ECT2: variants seen among roughly 807,000 people sequenced by gnomAD.
ECT2 encodes protein ECT2.
ECT2 carries 61 observed loss-of-function variants against 116.9 expected under a neutral mutation model. The observed-to-expected ratio is 0.52, with a 90% CI of 0.42 to 0.65. The LOEUF (loss-of-function observed/expected upper bound fraction) is 0.65, where lower values mean the gene tolerates loss of function less well. ECT2 is among the 30% of genes least tolerant of loss of function. The pLI is 0.00. For synonymous variants in ECT2, 358 were observed against 346.4 expected, an observed-to-expected ratio of 1.03 and a Z score of -0.37; for missense variants, 937 against 1,078.7, an observed-to-expected ratio of 0.87 and a Z score of 1.84.
intron 22 of ECT2, among the ~76,000 whole-genome samples, chr3:172,811,641 A>G (rs1026598470): frequency 1.3e-5 from 2 of 152,184 alleles, no homozygotes; most frequent in Non-Finnish European, 1.5e-5. Context: ...CTTTATTAGC[A>G]TTTGCTAAGG....
intron 18 of ECT2, among the ~76,000 whole-genome samples, chr3:172,789,671 A>G (rs1457747021): frequency 1.3e-5 from 2 of 152,180 alleles, no homozygotes; most frequent in East Asian, 3.8e-4. Flanking sequence ...TTATCAACTA[A>G]GTGTCTGTAG....
At chr3:172,761,749 T>C in intron 8 of ECT2, 66 bp downstream of exon 8, 1 of 1,187,934 alleles carries the variant, frequency 8.4e-7, no homozygotes, top group South Asian at 1.5e-5. Flanking sequence ...GATAAATCCA[T>C]GTGCTGAAAA....
chr3:172,813,399 G>T (rs1415496591), intron 22 of ECT2, among the ~76,000 whole-genome samples: 2 of 152,064 alleles, frequency 1.3e-5, no homozygotes, highest in African/African-American at 4.8e-5. Flanking sequence ...AGGCAGGATA[G>T]ATTCTTTCCT....
Position 172,754,633 on chromosome 3 carries a change from C to T in ECT2, c.103C>T (p.Leu35Phe), listed in dbSNP as rs373132353. ...TACTGAGATTTCCAAGGAAAACTTA[C>T]TTATTGGATCTACTTCATATGTAGA... is the stretch of plus-strand genomic sequence containing the variant. ...KVTEISKENL[L>F]IGSTSYVEEE... is the part of the protein sequence containing the mutation. Residue 35 changes from leucine to phenylalanine, a missense_variant, in exon 2 of 25, where the codon CTT becomes TTT. Transcript: ENST00000392692. The T allele has an allele frequency of 1.4e-4, 229 of 1,610,264 alleles. No homozygotes were observed. Among genetic ancestry groups the T allele is most frequent in the South Asian group, 4.0e-4 (36 of 90,756 alleles).
chr3:172,810,331 T>C (rs957695957), intron 22 of ECT2, among the ~76,000 whole-genome samples: 15 of 152,180 alleles, frequency 9.9e-5, no homozygotes, highest in African/African-American at 3.6e-4. Context: ...GTTAAATAAA[T>C]CACCATTGGC....
intron 20 of ECT2, among the ~76,000 whole-genome samples, chr3:172,804,616 A>G (rs764751534): frequency 2.0e-5 from 3 of 152,156 alleles, no homozygotes; most frequent in Non-Finnish European, 4.4e-5. Flanking sequence ...TAAAGCTTTT[A>G]TAGGTTTTTC....
At chr3:172,827,095 A>G in the ECT2 span, among the ~76,000 whole-genome samples, 1 of 152,170 alleles carries the variant, frequency 6.6e-6, no homozygotes, top group Non-Finnish European at 1.5e-5. Flanking sequence ...ACATCATCTC[A>G]CCCCAGTAAA....
At chr3:172,825,189 G>A (rs1422561386), downstream of ECT2, among the ~76,000 whole-genome samples, 3 of 151,982 alleles carry the variant, frequency 2.0e-5, no homozygotes, top group Non-Finnish European at 4.4e-5. Flanking sequence ...TTGTTCTGGG[G>A]CACCACAAAC....
intron 24 of ECT2, among the ~76,000 whole-genome samples, chr3:172,818,032 G>C (rs921062462): frequency 6.6e-6 from 1 of 152,100 alleles, no homozygotes; most frequent in Non-Finnish European, 1.5e-5. Flanking sequence ...AAAGTGCTTA[G>C]AACAGTACCT....
intron 12 of ECT2, among the ~76,000 whole-genome samples, chr3:172,768,537 C>G (rs1444358509): frequency 6.6e-6 from 1 of 152,176 alleles, no homozygotes; most frequent in African/African-American, 2.4e-5. Context: ...AACTACATTA[C>G]TTACTACATT....
At chr3:172,814,108 T>C (rs996625804) in intron 22 of ECT2, among the ~76,000 whole-genome samples, 5 of 152,002 alleles carry the variant, frequency 3.3e-5, no homozygotes, top group Admixed American at 2.6e-4. Flanking sequence ...ATTTAGCAAA[T>C]TGATCAAGTG....
intron 22 of ECT2, among the ~76,000 whole-genome samples, chr3:172,808,695 A>G (rs1458602202): frequency 5.3e-5 from 8 of 152,206 alleles, no homozygotes; most frequent in African/African-American, 1.9e-4. Flanking sequence ...AAGAGAATAT[A>G]TGGATATAAT....
Position 172,805,744 on chromosome 3 carries a change from G to A in ECT2, c.2120G>A (p.Arg707Gln), listed in dbSNP as rs1387610515. 4 of 1,612,864 alleles carry A rather than the reference G, an allele frequency of 2.5e-6. No individual in the cohort carries two copies. Among genetic ancestry groups the A allele is most frequent in the South Asian group, 1.1e-5 (1 of 90,908 alleles). The stretch of plus-strand genomic sequence containing the variant: ...TTCTATAATCAGATAGCAAGAAAAC[G>A]GCACAAGGTTATTGGCACTTTTAGG... ...FNDCLEIARK[R>Q]HKVIGTFRSP... The change falls in exon 21 of 25, where the codon CGG becomes CAG. Residue 707 changes from arginine to glutamine, a missense_variant. Physicochemically the swap from Arg to Gln is conservative, Grantham distance 43 (BLOSUM62 1). Transcript: ENST00000392692.
intron 24 of ECT2, chr3:172,818,356 G>A (rs1439560747): frequency 2.3e-5 from 5 of 217,958 alleles, no homozygotes; most frequent in South Asian, 1.4e-4. Flanking sequence ...TAGCTTTCTC[G>A]AAGCCACCTG....
chr3:172,826,215 A>G (rs1394583422), downstream of ECT2, among the ~76,000 whole-genome samples: 2 of 152,206 alleles, frequency 1.3e-5, no homozygotes, highest in Non-Finnish European at 2.9e-5. Flanking sequence ...TTTCATAGCT[A>G]GACAGAAGTC....
intron 15 of ECT2, 100 bp downstream of exon 15, chr3:172,782,331 A>G (rs1722856771): frequency 5.3e-6 from 3 of 562,364 alleles, no homozygotes; most frequent in Non-Finnish European, 8.9e-6. Flanking sequence ...GAGAGGTTTT[A>G]AAACTTTGAT....
At chr3:172,784,572 A>G (rs777456371) in intron 16 of ECT2, 135 bp from the exon 17 acceptor site, 57 of 625,624 alleles carry the variant, frequency 9.1e-5, no homozygotes, top group Non-Finnish European at 1.5e-4. Flanking sequence ...CCAAGTAATC[A>G]GCCACGGAGA....
At chr3:172,808,476 T>C (rs1728160699) in intron 22 of ECT2, among the ~76,000 whole-genome samples, 1 of 152,138 alleles carries the variant, frequency 6.6e-6, no homozygotes, top group Admixed American at 6.5e-5. Flanking sequence ...ATCATAAATA[T>C]ATAATTATCA....
At position 172,820,170 on chromosome 3, in the gene ECT2, T is replaced by G; in HGVS notation, c.2678T>G (p.Val893Gly). ...SLAGIPSPSL[V>G]SLPSFFERRS... ...CAGGGTATCCCTTCTCCCTCCCTTG[T>G]CAGCCTTCCTTCCTTCTTTGAAAGG... The change falls in exon 25 of 25, where the codon GTC (valine) becomes GGC (glycine). Residue 893 changes from valine to glycine, a missense_variant. By Grantham distance (109) the Val-to-Gly change is moderately radical. Transcript: ENST00000392692. 6.2e-7 allele frequency: 1 copy of G among 1,610,594 alleles called. No homozygotes were observed. The highest frequency in any genetic ancestry group is 8.5e-7 in the Non-Finnish European group (1 of 1,177,860).
Sources: allele counts gnomAD v4.1 joint callset (sites outside exome capture counted in the v4.1 genomes callset), GRCh38; gene constraint gnomAD v4.1.1; transcripts MANE v1.5; gene names NCBI Gene and HGNC (gene_info 2026-07-23, HGNC 2026-07-21).